Variants in CNTNAP5 observed in about 807,000 individuals in gnomAD.
CNTNAP5 encodes contactin associated protein family member 5, also known as contactin-associated protein-like 5.
CNTNAP5 carries 72 observed loss-of-function variants against 150.2 expected under a neutral mutation model. The observed-to-expected ratio is 0.48, with a 90% confidence interval of 0.40 to 0.58. The LOEUF is 0.58. Ranked by LOEUF, CNTNAP5 falls within the 20% of genes least tolerant of loss-of-function variation. CNTNAP5 has a pLI of 0.00. For synonymous variants in CNTNAP5, 672 were observed against 619.8 expected, an observed-to-expected ratio of 1.08 and a Z score of -1.25; for missense variants, 1,636 against 1,626.2, an observed-to-expected ratio of 1.01 and a Z score of -0.10.
chr2:124,506,946 T>A (rs1694419663), intron 8 of CNTNAP5, among the ~76,000 whole-genome samples: 1 of 152,090 alleles, frequency 6.6e-6, no homozygotes, highest in South Asian at 2.1e-4. Context: ...TGTAGGGAAG[T>A]TTACATTTTT....
chr2:124,713,333 T>TTC (rs1558746999), intron 13 of CNTNAP5, among the ~76,000 whole-genome samples: 1 of 89,408 alleles, frequency 1.1e-5, no homozygotes, highest in Admixed American at 1.2e-4. Flanking sequence ...CTTTCTTTCT[T>TTC]TCTTTCTTTC....
intron 13 of CNTNAP5, among the ~76,000 whole-genome samples, chr2:124,652,031 G>A (rs1355727463): frequency 2.0e-5 from 3 of 152,154 alleles, no homozygotes; most frequent in South Asian, 2.1e-4. Flanking sequence ...TCACCACTGG[G>A]CCTTTTTCAT....
intron 1 of CNTNAP5, among the ~76,000 whole-genome samples, chr2:124,191,888 G>T (rs1431710517): frequency 1.3e-5 from 2 of 151,196 alleles, no homozygotes; most frequent in Non-Finnish European, 2.9e-5. Context: ...AACAGAGCGA[G>T]ACTCCATCTC....
chr2:124,500,075 C>T (rs1694241689), intron 7 of CNTNAP5, among the ~76,000 whole-genome samples: 1 of 152,114 alleles, frequency 6.6e-6, no homozygotes, highest in South Asian at 2.1e-4. Flanking sequence ...GTACAAATTC[C>T]TCCTTCCTGT....
intron 17 of CNTNAP5, among the ~76,000 whole-genome samples, chr2:124,777,326 A>G (rs766473202): frequency 1.1e-4 from 17 of 152,072 alleles, no homozygotes; most frequent in Non-Finnish European, 2.1e-4. Flanking sequence ...AGATGTTGAG[A>G]ATTGGATACA....
chr2:124,585,978 CCT>C (rs1696527747), intron 11 of CNTNAP5, among the ~76,000 whole-genome samples: 1 of 152,076 alleles, frequency 6.6e-6, no homozygotes, highest in South Asian at 2.1e-4. Context: ...AAAGTGTGAA[CCT>C]CCTCACACAG....
At chr2:124,559,204 T>C (rs1454820665) in intron 10 of CNTNAP5, among the ~76,000 whole-genome samples, 1 of 152,220 alleles carries the variant, frequency 6.6e-6, no homozygotes, top group Non-Finnish European at 1.5e-5. Context: ...GCAATGATCC[T>C]TCTCTTTTGG....
chr2:124,272,709 A>G (rs547824006), intron 3 of CNTNAP5, among the ~76,000 whole-genome samples: 67 of 152,320 alleles, frequency 4.4e-4, no homozygotes, highest in African/African-American at 1.6e-3. Flanking sequence ...AAAATTAGAT[A>G]ACAGTATCTG....
intron 14 of CNTNAP5, among the ~76,000 whole-genome samples, chr2:124,762,397 A>G (rs894364901): frequency 1.3e-5 from 2 of 152,132 alleles, no homozygotes; most frequent in African/African-American, 2.4e-5. Flanking sequence ...GGTGTGTAAT[A>G]TAAGCTCTCC....
At chr2:124,629,007 G>A (rs1254584696) in intron 12 of CNTNAP5, among the ~76,000 whole-genome samples, 3 of 152,016 alleles carry the variant, frequency 2.0e-5, no homozygotes, top group African/African-American at 7.2e-5. Context: ...TCAACAAAAG[G>A]AGCTATTTAA....
At chr2:124,348,519 TA>T (rs1400410409) in intron 3 of CNTNAP5, among the ~76,000 whole-genome samples, 4 of 152,206 alleles carry the variant, frequency 2.6e-5, no homozygotes, top group Non-Finnish European at 5.9e-5. Flanking sequence ...AATGTTCTAA[TA>T]ATAAACCTTA....
At chr2:124,508,207 C>T (rs1385368691) in intron 8 of CNTNAP5, among the ~76,000 whole-genome samples, 1 of 152,162 alleles carries the variant, frequency 6.6e-6, no homozygotes, top group African/African-American at 2.4e-5. Flanking sequence ...TCAAGAGATA[C>T]AGCTAGAAGG....
chr2:124,419,924 C>CTTTCTT (rs1217845077), intron 4 of CNTNAP5, among the ~76,000 whole-genome samples: 3 of 126,882 alleles, frequency 2.4e-5, no homozygotes, highest in African/African-American at 9.2e-5. Context: ...TTCTTTCTTT[C>CTTTCTT]TTTCTTTCTT....
At chr2:124,716,746 AG>A (rs1319718910) in intron 13 of CNTNAP5, among the ~76,000 whole-genome samples, 4 of 152,164 alleles carry the variant, frequency 2.6e-5, no homozygotes, top group African/African-American at 9.7e-5. Context: ...CTAGATGAAG[AG>A]TAAATAGAAA....
At chr2:124,817,434 A>C (rs540784825) in intron 19 of CNTNAP5, among the ~76,000 whole-genome samples, 99 of 149,704 alleles carry the variant, frequency 6.6e-4, no homozygotes, top group African/African-American at 2.2e-3. Context: ...CACAACACAC[A>C]AAAAAAAACA....
intron 3 of CNTNAP5, among the ~76,000 whole-genome samples, chr2:124,401,240 AGAG>A (rs965730960): frequency 1.3e-5 from 2 of 152,252 alleles, no homozygotes; most frequent in African/African-American, 4.8e-5. Context: ...CAGTAGCAAC[AGAG>A]GAGTCTGGTG....
chr2:124,211,368 G>A (rs1205108320), intron 1 of CNTNAP5, among the ~76,000 whole-genome samples: 1 of 152,132 alleles, frequency 6.6e-6, no homozygotes, highest in East Asian at 1.9e-4. Context: ...CTCACAACAA[G>A]CCTGTGTATA....
intron 12 of CNTNAP5, among the ~76,000 whole-genome samples, chr2:124,616,923 C>T (rs1677504988): frequency 1.3e-5 from 2 of 151,746 alleles, no homozygotes; most frequent in South Asian, 4.2e-4. Context: ...TTCATGATGC[C>T]CCAAAACAAT....
chr2:124,309,696 G>A (rs1201473034), intron 3 of CNTNAP5, among the ~76,000 whole-genome samples: 1 of 152,198 alleles, frequency 6.6e-6, no homozygotes, highest in African/African-American at 2.4e-5. Context: ...CCAGAGCGGT[G>A]CCTCCCCTGA....
Sources: gnomAD v4.1 joint callset for allele counts (sites outside exome capture counted in the v4.1 genomes callset) on GRCh38, gnomAD v4.1.1 for gene constraint, MANE v1.5 for transcripts, NCBI Gene and HGNC (gene_info 2026-07-23, HGNC 2026-07-21) for gene names.